Variants in PRIMA1 observed in about 807,000 individuals in gnomAD.
PRIMA1 encodes proline rich membrane anchor 1.
Under a neutral mutation model 17.5 loss-of-function variants are expected in PRIMA1, and 7 were observed. That is an observed-to-expected ratio of 0.40 (90% CI 0.23 to 0.75). PRIMA1 has a LOEUF of 0.75. Among genes scored for constraint, PRIMA1 ranks in the 30% least tolerant of loss-of-function variants. The pLI is 0.37. For synonymous variants in PRIMA1, 97 were observed against 77.9 expected (o/e 1.25, Z -1.29); for missense variants, 200 against 201.8 (o/e 0.99, Z 0.05).
At chr14:93,730,997 T>G (rs1470675559) in intron 4 of PRIMA1, among the ~76,000 whole-genome samples, 2 of 152,148 alleles carry the variant, frequency 1.3e-5, no homozygotes, top group Admixed American at 6.5e-5. Context: ...AGACCCACAG[T>G]CCACCTGGAG....
In PRIMA1 at chr14:93,739,689, G is replaced by A. The variant is rs199781911; in HGVS notation, c.230-2319C>T. Among the ~76,000 whole-genome samples the A allele has an allele frequency of 1.8e-3, 278 of 152,268 alleles. 3 individuals carry two copies. The highest frequency in any genetic ancestry group is 3.2e-3 in the Non-Finnish European group (218 of 68,022). On this transcript the variant is annotated intron_variant, in intron 3 of 4. Coordinates refer to ENST00000393140, the MANE Select transcript of PRIMA1 (RefSeq NM_178013.4). Reference sequence around the variant, plus strand: ...TAGGAGATCCAGGGAGCCACTATGTGCTTCCTAGTGAACCAGCACCGAAAC... The same window carrying A: ...TAGGAGATCCAGGGAGCCACTATGTACTTCCTAGTGAACCAGCACCGAAAC...
At chr14:93,782,769 G>A (rs1015967361) in intron 2 of PRIMA1, among the ~76,000 whole-genome samples, 2 of 152,220 alleles carry the variant, frequency 1.3e-5, no homozygotes, top group African/African-American at 4.8e-5. Flanking sequence ...AGCCCCCACT[G>A]CAGTGTCCTG....
chr14:93,735,566 CCT>C (rs1221738342), intron 4 of PRIMA1, among the ~76,000 whole-genome samples: 2 of 152,176 alleles, frequency 1.3e-5, no homozygotes, highest in African/African-American at 4.8e-5. Flanking sequence ...GTAGGCACAG[CCT>C]CTGTCTTACC....
intron 4 of PRIMA1, among the ~76,000 whole-genome samples, chr14:93,727,658 G>C (rs915173032): frequency 1.3e-5 from 2 of 152,196 alleles, no homozygotes. Flanking sequence ...CCTCTGGGTA[G>C]AAGGGCCTTC....
Position 93,771,832 on chromosome 14 carries a change from G to A in PRIMA1, c.229+7344C>T, listed in dbSNP as rs533200891. On this transcript the variant is annotated intron_variant, in intron 3 of 4. Coordinates refer to ENST00000393140, the MANE Select transcript of PRIMA1 (RefSeq NM_178013.4). ...CAAAGGCTCCAAGACAGGAAGGAGT[G>A]AGGCCCAGGGAAGGAAAGGAAAGGG... is the stretch of plus-strand genomic sequence containing the variant. 8.5e-5 allele frequency among the ~76,000 whole-genome samples: 13 copies of A among 152,280 alleles called. No individual in the cohort carries two copies. In the South Asian group the frequency reaches 2.7e-3, roughly 32 times the overall value.
intron 3 of PRIMA1, among the ~76,000 whole-genome samples, chr14:93,775,165 A>C (rs1221491442): frequency 6.6e-6 from 1 of 152,258 alleles, no homozygotes; most frequent in Non-Finnish European, 1.5e-5. Flanking sequence ...AGTGGCAAGA[A>C]TGCAAAGGAC....
Position 93,719,288 on chromosome 14 carries a change from T to A in PRIMA1, c.*2156A>T, listed in dbSNP as rs2076022087. On this transcript the variant is annotated 3_prime_UTR_variant, in exon 5 of 5. Coordinates refer to ENST00000393140, the MANE Select transcript of PRIMA1 (RefSeq NM_178013.4). ...GGAGCCTCGCCTGGGGCTGGAAGATTAGGCTAACTGCAAAATCCAGGCCTC... is the reference window on the plus strand; with the variant it reads ...GGAGCCTCGCCTGGGGCTGGAAGATAAGGCTAACTGCAAAATCCAGGCCTC... 6.6e-6 allele frequency: 1 copy of A among 152,132 alleles called. No individual in the cohort carries two copies. The highest frequency in any genetic ancestry group is 6.5e-5 in the Admixed American group (1 of 15,276). The allele number at this position is 152,132 out of a possible 1,614,324, so 9.4% of individuals were successfully genotyped here. A position where few individuals can be genotyped will look rare whatever the true frequency, so the allele number is the denominator to read the frequency against.
At chr14:93,775,986 A>G (rs948301996) in intron 3 of PRIMA1, among the ~76,000 whole-genome samples, 4 of 152,234 alleles carry the variant, frequency 2.6e-5, no homozygotes, top group Non-Finnish European at 5.9e-5. Flanking sequence ...AAGCTAGTCC[A>G]GCAAAAGTCA....
intron 3 of PRIMA1, among the ~76,000 whole-genome samples, chr14:93,744,539 A>C: frequency 6.6e-6 from 1 of 152,198 alleles, no homozygotes; most frequent in Middle Eastern, 3.2e-3. Context: ...AAAACCACAA[A>C]TACAAAATCA....
intron 3 of PRIMA1, among the ~76,000 whole-genome samples, chr14:93,761,318 T>C (rs1884716479): frequency 6.6e-6 from 1 of 151,958 alleles, no homozygotes; most frequent in Non-Finnish European, 1.5e-5. Context: ...GCCACTGCAC[T>C]CCACCTTGGG....
intron 3 of PRIMA1, among the ~76,000 whole-genome samples, chr14:93,764,073 T>A (rs1709472722): frequency 6.6e-6 from 1 of 151,594 alleles, no homozygotes; most frequent in South Asian, 2.1e-4. Flanking sequence ...GGTCACTGAG[T>A]CCTGAAGGTT....
At position 93,720,289 on chromosome 14, in the gene PRIMA1, G is replaced by C. The variant is rs1297954102; in HGVS notation, c.*1155C>G. 1 of 152,278 alleles carries C rather than the reference G, an allele frequency of 6.6e-6. No homozygotes were observed. Among genetic ancestry groups the C allele is most frequent in the African/African-American group, 2.4e-5 (1 of 41,462 alleles). The allele number at this position is 152,278 out of a possible 1,614,324, so 9.4% of individuals were successfully genotyped here. On this transcript the variant is annotated 3_prime_UTR_variant, in exon 5 of 5. Coordinates refer to ENST00000393140, the MANE Select transcript of PRIMA1 (RefSeq NM_178013.4). The stretch of plus-strand genomic sequence containing the variant: ...CAACAGGGCAGGGGTCACCAGCCTG[G>C]AGGACCCCTCTCCTCCTGTCCCATT...
At chr14:93,782,062 T>C (rs1566979168) in intron 2 of PRIMA1, among the ~76,000 whole-genome samples, 6 of 151,876 alleles carry the variant, frequency 4.0e-5, no homozygotes, top group Admixed American at 2.0e-4. Flanking sequence ...GGTCAGGAGA[T>C]CGAGACCATC....
chr14:93,776,066 A>G (rs1196512442), intron 3 of PRIMA1, among the ~76,000 whole-genome samples: 1 of 152,210 alleles, frequency 6.6e-6, no homozygotes, highest in Non-Finnish European at 1.5e-5. Context: ...GCCTGTAAGA[A>G]TGATGGAATG....
At chr14:93,777,172 G>A (rs1478980718) in intron 3 of PRIMA1, among the ~76,000 whole-genome samples, 2 of 152,100 alleles carry the variant, frequency 1.3e-5, no homozygotes, top group Non-Finnish European at 2.9e-5. Flanking sequence ...CCAGGCACAC[G>A]AGGCCCTTCT....
chr14:93,776,798 T>G (rs1885233604), intron 3 of PRIMA1, among the ~76,000 whole-genome samples: 1 of 152,202 alleles, frequency 6.6e-6, no homozygotes, highest in African/African-American at 2.4e-5. Context: ...CCAATTACTT[T>G]ATAGAGAAGG....
At chr14:93,754,203 G>A (rs1374695879) in intron 3 of PRIMA1, among the ~76,000 whole-genome samples, 1 of 152,210 alleles carries the variant, frequency 6.6e-6, no homozygotes, top group Non-Finnish European at 1.5e-5. Flanking sequence ...ATCAGGAGCT[G>A]TGGGTGTCAC....
At chr14:93,775,897 C>T (rs1885203869) in intron 3 of PRIMA1, among the ~76,000 whole-genome samples, 1 of 152,220 alleles carries the variant, frequency 6.6e-6, no homozygotes, top group African/African-American at 2.4e-5. Flanking sequence ...CAGGGGTGGT[C>T]ACATGGCCCG....
intron 1 of PRIMA1, 90 bp from the exon 2 acceptor site, chr14:93,787,839 G>T: frequency 6.9e-7 from 1 of 1,439,616 alleles, no homozygotes; most frequent in Non-Finnish European, 9.2e-7. Context: ...CGGGTCGGAC[G>T]GGCACGCCCC....
Sources: gnomAD v4.1 joint callset for allele counts (sites outside exome capture counted in the v4.1 genomes callset) on GRCh38, gnomAD v4.1.1 for gene constraint, MANE v1.5 for transcripts, NCBI Gene and HGNC (gene_info 2026-07-23, HGNC 2026-07-21) for gene names.